MTCL1: variants seen among roughly 807,000 people sequenced by gnomAD.
The protein encoded by MTCL1 is microtubule crosslinking factor 1.
In MTCL1, 79 loss-of-function variants were observed where a neutral mutation model predicts 141.4. The observed-to-expected ratio is 0.56, with a 90% CI of 0.47 to 0.67. The LOEUF (loss-of-function observed/expected upper bound fraction) is 0.67, where lower values mean the gene tolerates loss of function less well. MTCL1 is among the 30% of genes least tolerant of loss of function. The pLI, the probability that MTCL1 is intolerant of heterozygous loss-of-function variation, is 0.00. For synonymous variants in MTCL1, 914 were observed against 875.8 expected, an observed-to-expected ratio of 1.04 and a Z score of -0.77; for missense variants, 2,177 against 2,113.9, an observed-to-expected ratio of 1.03 and a Z score of -0.59.
intron 4 of MTCL1, among the ~76,000 whole-genome samples, chr18:8,754,254 A>G (rs1266268640): frequency 6.6e-6 from 1 of 152,152 alleles, no homozygotes; most frequent in Non-Finnish European, 1.5e-5. Context: ...TAATTTTAAT[A>G]GAGACGGGGT....
At chr18:8,776,733 ATTTATTTATTT>A (rs1292935753) in intron 4 of MTCL1, among the ~76,000 whole-genome samples, 1 of 74,800 alleles carries the variant, frequency 1.3e-5, no homozygotes, top group Non-Finnish European at 2.9e-5. Context: ...TTATTTATTT[ATTTATTTATTT>A]ATTTATTTAT....
exon 15 of MTCL1, chr18:8,825,126 A>G (rs1287303912): frequency 6.3e-7 from 1 of 1,592,472 alleles, no homozygotes; most frequent in African/African-American, 1.3e-5. Flanking sequence ...CGACAGCATC[A>G]CGGCGGCAGG....
At chr18:8,771,308 T>C (rs1183136643) in intron 4 of MTCL1, among the ~76,000 whole-genome samples, 1 of 152,142 alleles carries the variant, frequency 6.6e-6, no homozygotes, top group Non-Finnish European at 1.5e-5. Context: ...TAAAGGAATC[T>C]TAATAACTTC....
chr18:8,813,248 CG>C lies in MTCL1; in HGVS notation c.2859+19del. On this transcript the variant is annotated intron_variant, in intron 12 of 16. Coordinates refer to ENST00000359865, the Ensembl canonical transcript of MTCL1. ...GGATAGAGCAGGTAAGGAGGCACCC[CG>C]GGGCCCTGGAGCATAGGCACAGAGT... is the stretch of plus-strand genomic sequence containing the variant. 7.5e-6 allele frequency: 12 copies of C among 1,607,742 alleles called. No individual in the cohort carries two copies. Among genetic ancestry groups the C allele is most frequent in the Non-Finnish European group, 1.0e-5 (12 of 1,177,168 alleles).
At chr18:8,735,743 C>G (rs951812013) in intron 4 of MTCL1, among the ~76,000 whole-genome samples, 1 of 152,030 alleles carries the variant, frequency 6.6e-6, no homozygotes, top group African/African-American at 2.4e-5. Flanking sequence ...CTGAGTGTTT[C>G]CCGATGCTCA....
chr18:8,784,452 C>T (rs2143541452), exon 6 of MTCL1: 1 of 1,538,354 alleles, frequency 6.5e-7, no homozygotes, highest in Non-Finnish European at 8.8e-7. Flanking sequence ...CTCCTGAAGG[C>T]CCGGGAGGAC....
At chr18:8,778,401 G>T (rs2096520306) in intron 5 of MTCL1, among the ~76,000 whole-genome samples, 1 of 152,206 alleles carries the variant, frequency 6.6e-6, no homozygotes, top group African/African-American at 2.4e-5. Flanking sequence ...TAGCTTTTCT[G>T]TAAAGCTGTT....
At chr18:8,819,372 A>G in intron 13 of MTCL1, 113 bp downstream of exon 12, 1 of 1,071,876 alleles carries the variant, frequency 9.3e-7, no homozygotes, top group Non-Finnish European at 1.3e-6. Context: ...ACTTTTGCAT[A>G]CAGCAACCTC....
At chr18:8,827,299 G>A (rs544938551) in intron 15 of MTCL1, among the ~76,000 whole-genome samples, 14 of 152,302 alleles carry the variant, frequency 9.2e-5, no homozygotes, top group Admixed American at 7.2e-4. Flanking sequence ...CCTGGCCCAC[G>A]TTTCCCACAA....
intron 8 of MTCL1, among the ~76,000 whole-genome samples, chr18:8,794,537 AGC>A: frequency 6.6e-6 from 1 of 152,190 alleles, no homozygotes; most frequent in South Asian, 2.1e-4. Context: ...CGGGTGTCTC[AGC>A]GCCTCTCCAC....
At position 8,779,783 on chromosome 18, in the gene MTCL1, C is replaced by G. The variant is rs2143386335; in HGVS notation, c.417+1891C>G. 6.6e-6 allele frequency among the ~76,000 whole-genome samples: 1 copy of G among 152,284 alleles called. No homozygotes were observed. The highest frequency in any genetic ancestry group is 2.1e-4 in the South Asian group (1 of 4,818). On this transcript the variant is annotated intron_variant, in intron 5 of 16. Transcript: ENST00000359865. The surrounding 1 kb of genome is among the most constrained non-coding windows in gnomAD (Gnocchi z 4.1). ...GTAGAAATGACAGCATGCTGTCATG[C>G]TGACAGCTTTTTTCTTTAAGGAACG...
chr18:8,784,631 C>G, exon 6 of MTCL1: 1 of 1,613,732 alleles, frequency 6.2e-7, no homozygotes, highest in Non-Finnish European at 8.5e-7. Flanking sequence ...GGGGGACCAG[C>G]AGGAGCCCCA....
chr18:8,714,396 T>C (rs1445289675), upstream of MTCL1, among the ~76,000 whole-genome samples: 1 of 152,170 alleles, frequency 6.6e-6, no homozygotes, highest in East Asian at 1.9e-4. Context: ...ATAAGAGCAG[T>C]GATTTAAATA....
chr18:8,811,285 C>A (rs1223574405), intron 11 of MTCL1: 2 of 152,258 alleles, frequency 1.3e-5, no homozygotes, highest in Non-Finnish European at 2.9e-5. Flanking sequence ...CTCTTTTAAA[C>A]AACCAGCTCT....
chr18:8,709,213 G>A (rs750483032), intron 1 of MTCL1, among the ~76,000 whole-genome samples: 13 of 151,320 alleles, frequency 8.6e-5, no homozygotes, highest in Non-Finnish European at 1.5e-4. Flanking sequence ...TTTTTTTGAA[G>A]GGATGGTCTT....
At chr18:8,721,501 C>T (rs2096172229) in intron 4 of MTCL1, among the ~76,000 whole-genome samples, 1 of 152,242 alleles carries the variant, frequency 6.6e-6, no homozygotes, top group Admixed American at 6.5e-5. Flanking sequence ...CTTCTGCCCC[C>T]ACCCCTCTTC....
At chr18:8,786,966 C>T (rs1335175923) in intron 7 of MTCL1, 1 of 156,100 alleles carries the variant, frequency 6.4e-6, no homozygotes, top group East Asian at 1.9e-4. Flanking sequence ...GGCCCCCTTC[C>T]CTTTGATGGC....
At chr18:8,793,203 GA>G (rs2075798099) in intron 8 of MTCL1, 83 bp downstream of exon 7, 1 of 1,572,434 alleles carries the variant, frequency 6.4e-7, no homozygotes, top group Admixed American at 1.7e-5. Flanking sequence ...CATTTTCAAA[GA>G]AGGCTGTCTG....
chr18:8,720,189 T>C (rs2096159992), intron 3 of MTCL1, 149 bp from the exon 3 acceptor site: 1 of 708,232 alleles, frequency 1.4e-6, no homozygotes, highest in Non-Finnish European at 2.3e-6. Flanking sequence ...TCCTCCTCCT[T>C]TTAACAATAA....
Sources: allele counts gnomAD v4.1 joint callset (sites outside exome capture counted in the v4.1 genomes callset), GRCh38; gene constraint gnomAD v4.1.1; non-coding constraint Gnocchi (gnomAD v3.1); transcripts MANE v1.5; gene names NCBI Gene and HGNC (gene_info 2026-07-23, HGNC 2026-07-21).